The following SCMH1 variants were observed in gnomAD, a reference collection of about 807,000 sequenced individuals.
SCMH1 encodes the protein Scm polycomb group protein homolog 1, also known as polycomb protein SCMH1.
A neutral mutation model predicts 70.8 loss-of-function variants in SCMH1; 37 were observed. The observed-to-expected ratio is 0.52, with a 90% confidence interval of 0.40 to 0.69. The LOEUF (loss-of-function observed/expected upper bound fraction) is 0.69, where lower values mean the gene tolerates loss of function less well. SCMH1 is among the 30% of genes least tolerant of loss of function. SCMH1 has a pLI of 0.00. For synonymous variants in SCMH1, 292 were observed against 307.4 expected (o/e 0.95, Z 0.52); for missense variants, 607 against 827.3 (o/e 0.73, Z 3.27).
intron 7 of SCMH1, among the ~76,000 whole-genome samples, chr1:41,116,419 C>T (rs1670480987): frequency 6.6e-6 from 1 of 152,208 alleles, no homozygotes; most frequent in Non-Finnish European, 1.5e-5. Context: ...GCCACGTGAT[C>T]TTGAGCAAGC....
intron 10 of SCMH1, among the ~76,000 whole-genome samples, chr1:41,057,834 A>C (rs1650968253): frequency 6.6e-6 from 1 of 152,178 alleles, no homozygotes; most frequent in African/African-American, 2.4e-5. Flanking sequence ...GTGTAACAGA[A>C]ATAAAGAATG....
At chr1:41,167,902 G>A (rs1027574632) in intron 2 of SCMH1, among the ~76,000 whole-genome samples, 26 of 140,118 alleles carry the variant, frequency 1.9e-4, no homozygotes, top group South Asian at 1.5e-3. Context: ...TGCTTTGCTG[G>A]CAGTGTTTTG....
At position 41,037,796 on chromosome 1, in the gene SCMH1, A is replaced by G. The variant is rs140015011; in HGVS notation, c.1499-255T>C. Among the ~76,000 whole-genome samples, 322 of 152,284 alleles carry G rather than the reference A, an allele frequency of 2.1e-3. 1 individual carries two copies. Among genetic ancestry groups the G allele is most frequent in the Middle Eastern group, 3.4e-3 (1 of 294 alleles). ...GTCTTTGAGGCTTTTTCTGGTCTAG[A>G]TGCCCTATGCTTTTTCTTGATAAGG... On this transcript the variant is annotated intron_variant, in intron 12 of 14. Transcript: ENST00000337495.
intron 1 of SCMH1, among the ~76,000 whole-genome samples, chr1:41,240,393 G>T (rs1663264687): frequency 6.6e-6 from 1 of 152,196 alleles, no homozygotes; most frequent in South Asian, 2.1e-4. Flanking sequence ...AGTTTAGGAG[G>T]TTGGTAAGTA....
intron 8 of SCMH1, among the ~76,000 whole-genome samples, chr1:41,100,370 C>CA (rs1390615009): frequency 1.3e-5 from 2 of 151,506 alleles, no homozygotes; most frequent in African/African-American, 2.4e-5. Context: ...CCCTAGGCAG[C>CA]AAAAAAAATT....
intron 10 of SCMH1, among the ~76,000 whole-genome samples, chr1:41,056,031 CTT>C (rs1650152732): frequency 6.6e-6 from 1 of 152,218 alleles, no homozygotes; most frequent in South Asian, 2.1e-4. Flanking sequence ...ATTTGACCCT[CTT>C]CCTATTGAGA....
chr1:41,207,609 A>G (rs1343446338), intron 1 of SCMH1, among the ~76,000 whole-genome samples: 5 of 152,208 alleles, frequency 3.3e-5, no homozygotes, highest in African/African-American at 1.2e-4. Context: ...TTAATACCCC[A>G]TTGTCAATAT....
intron 5 of SCMH1, 88 bp from the exon 6 acceptor site, chr1:41,143,200 C>A: frequency 1.1e-6 from 1 of 876,064 alleles, no homozygotes; most frequent in Admixed American, 2.3e-5. Flanking sequence ...ATAGCTGGGC[C>A]AGGGACAACC....
chr1:41,186,473 T>C (rs1650234109), intron 1 of SCMH1, among the ~76,000 whole-genome samples: 1 of 152,176 alleles, frequency 6.6e-6, no homozygotes, highest in South Asian at 2.1e-4. Context: ...AGAATACAGA[T>C]ATTTGCTACA....
intron 1 of SCMH1, among the ~76,000 whole-genome samples, chr1:41,188,956 G>C (rs1444038252): frequency 6.6e-6 from 1 of 152,134 alleles, no homozygotes; most frequent in Non-Finnish European, 1.5e-5. Context: ...AATAAGAAAA[G>C]ACAGAACTCT....
intron 1 of SCMH1, among the ~76,000 whole-genome samples, chr1:41,213,256 G>A (rs890922155): frequency 2.0e-5 from 3 of 152,118 alleles, no homozygotes; most frequent in African/African-American, 7.2e-5. Context: ...GTGGGTAAAG[G>A]GAAGACACAT....
At chr1:41,144,725 C>T (rs1238044964) in intron 5 of SCMH1, among the ~76,000 whole-genome samples, 1 of 152,076 alleles carries the variant, frequency 6.6e-6, no homozygotes, top group African/African-American at 2.4e-5. Context: ...CACCAATGTA[C>T]AAGGGTTCCA....
intron 10 of SCMH1, among the ~76,000 whole-genome samples, chr1:41,058,199 G>C (rs944355565): frequency 1.3e-5 from 2 of 151,570 alleles, no homozygotes; most frequent in Non-Finnish European, 2.9e-5. Context: ...ACATGCTAAG[G>C]CAAGAATTGC....
intron 6 of SCMH1, among the ~76,000 whole-genome samples, chr1:41,124,645 T>C (rs1329857661): frequency 2.6e-5 from 4 of 152,084 alleles, no homozygotes; most frequent in Admixed American, 1.3e-4. Flanking sequence ...TCTTTCTCTG[T>C]TGCCCAGGCT....
chr1:41,211,180 C>T (rs1484650176), intron 1 of SCMH1, among the ~76,000 whole-genome samples: 1 of 152,122 alleles, frequency 6.6e-6, no homozygotes, highest in East Asian at 1.9e-4. Flanking sequence ...CCTAATTAAA[C>T]TAAAGAGCTT....
intron 1 of SCMH1, among the ~76,000 whole-genome samples, chr1:41,215,607 C>G (rs1254352753): frequency 6.6e-6 from 1 of 152,106 alleles, no homozygotes; most frequent in Non-Finnish European, 1.5e-5. Context: ...ACTCATCAAC[C>G]TATAACCCAT....
exon 15 of SCMH1, chr1:41,028,047 G>C: frequency 1.1e-6 from 1 of 901,822 alleles, no homozygotes; most frequent in Non-Finnish European, 1.7e-6. Context: ...GGCAGCTGTG[G>C]CTAGGAGTGG....
intron 2 of SCMH1, among the ~76,000 whole-genome samples, chr1:41,170,574 G>C (rs1646724440): frequency 6.6e-6 from 1 of 152,110 alleles, no homozygotes; most frequent in African/African-American, 2.4e-5. Flanking sequence ...CTTTCTAATA[G>C]GTCATTTGCC....
chr1:41,225,123 T>C (rs1454575591), intron 1 of SCMH1, among the ~76,000 whole-genome samples: 3 of 152,184 alleles, frequency 2.0e-5, no homozygotes, highest in Non-Finnish European at 2.9e-5. Context: ...ATCAAAACAA[T>C]TTCATTAATA....
Sources: gnomAD v4.1 joint callset for allele counts (sites outside exome capture counted in the v4.1 genomes callset) on GRCh38, gnomAD v4.1.1 for gene constraint, MANE v1.5 for transcripts, NCBI Gene and HGNC (gene_info 2026-07-23, HGNC 2026-07-21) for gene names.